The following SORCS1 variants were observed in gnomAD, a reference collection of about 807,000 sequenced individuals.
SORCS1 encodes sortilin related VPS10 domain containing receptor 1, also known as VPS10 domain-containing receptor SorCS1.
A neutral mutation model predicts 146.1 loss-of-function variants in SORCS1; 60 were observed. That is an observed-to-expected ratio of 0.41 (90% CI 0.33 to 0.51). SORCS1 has a LOEUF of 0.51. Among genes scored for constraint, SORCS1 ranks in the 20% least tolerant of loss-of-function variants. SORCS1 has a pLI of 0.21. For synonymous variants in SORCS1, 637 were observed against 584.0 expected (o/e 1.09, Z -1.31); for missense variants, 1,352 against 1,487.6 (o/e 0.91, Z 1.50).
chr10:107,033,792 C>A (rs1458390551), intron 1 of SORCS1, among the ~76,000 whole-genome samples: 1 of 152,206 alleles, frequency 6.6e-6, no homozygotes. Flanking sequence ...TAAATCCTCA[C>A]CCCCATTCTC....
At chr10:106,675,544 C>G (rs1851963286) in intron 13 of SORCS1, among the ~76,000 whole-genome samples, 1 of 152,162 alleles carries the variant, frequency 6.6e-6, no homozygotes, top group African/African-American at 2.4e-5. Flanking sequence ...GTAAGACTTA[C>G]TTAGATTTCA....
intron 1 of SORCS1, among the ~76,000 whole-genome samples, chr10:107,092,122 AAAG>A (rs1222806144): frequency 6.6e-6 from 1 of 152,242 alleles, no homozygotes; most frequent in African/African-American, 2.4e-5. Context: ...AAAATGTGGT[AAAG>A]CAGGTACATC....
intron 1 of SORCS1, among the ~76,000 whole-genome samples, chr10:107,126,579 G>A (rs1005507355): frequency 1.3e-5 from 2 of 152,042 alleles, no homozygotes; most frequent in Non-Finnish European, 2.9e-5. Context: ...TCCAGCCTTT[G>A]GGATGAAGTC....
chr10:107,043,777 A>C (rs1249636805), intron 1 of SORCS1, among the ~76,000 whole-genome samples: 1 of 152,138 alleles, frequency 6.6e-6, no homozygotes, highest in Non-Finnish European at 1.5e-5. Context: ...GGAGTGTTTC[A>C]TTGTGGGATT....
intron 17 of SORCS1, among the ~76,000 whole-genome samples, chr10:106,657,317 G>A (rs1283519139): frequency 1.3e-5 from 2 of 152,142 alleles, no homozygotes; most frequent in Non-Finnish European, 2.9e-5. Context: ...AACTTGGATG[G>A]AGCTGGAGGC....
upstream of SORCS1, among the ~76,000 whole-genome samples, chr10:107,166,436 T>A (rs1189911891): frequency 6.6e-6 from 1 of 152,228 alleles, no homozygotes; most frequent in Non-Finnish European, 1.5e-5. Context: ...GGCAGGCTTC[T>A]CAGCCATTAA....
chr10:106,650,905 T>A (rs567594165), intron 18 of SORCS1, among the ~76,000 whole-genome samples: 1 of 152,234 alleles, frequency 6.6e-6, no homozygotes, highest in South Asian at 2.1e-4. Context: ...CTGTCCCTCT[T>A]GCTCTAAATA....
intron 9 of SORCS1, among the ~76,000 whole-genome samples, chr10:106,695,405 G>A (rs1239526100): frequency 6.6e-6 from 1 of 152,098 alleles, no homozygotes; most frequent in East Asian, 1.9e-4. Flanking sequence ...TCTTAATGCT[G>A]TCACTCTTCC....
chr10:106,748,558 C>T (rs1589796717), intron 5 of SORCS1, among the ~76,000 whole-genome samples: 1 of 152,082 alleles, frequency 6.6e-6, no homozygotes, highest in South Asian at 2.1e-4. Flanking sequence ...TCGTGCTAGT[C>T]TGGAACGAAA....
At chr10:106,825,754 C>T (rs1186851603) in intron 3 of SORCS1, among the ~76,000 whole-genome samples, 11 of 152,086 alleles carry the variant, frequency 7.2e-5, no homozygotes, top group African/African-American at 2.4e-4. Context: ...GGGGGAACTG[C>T]TCTCCCTCTG....
chr10:107,039,120 G>A (rs1589992656), intron 1 of SORCS1, among the ~76,000 whole-genome samples: 1 of 151,974 alleles, frequency 6.6e-6, no homozygotes, highest in African/African-American at 2.4e-5. Context: ...ACAAGGTCAG[G>A]AGATCGAGAC....
intron 2 of SORCS1, among the ~76,000 whole-genome samples, chr10:106,873,494 A>C (rs1950487663): frequency 6.6e-6 from 1 of 152,144 alleles, no homozygotes. Context: ...CTGTTTGAGG[A>C]AGGTGAATTG....
intron 1 of SORCS1, among the ~76,000 whole-genome samples, chr10:107,026,521 G>T (rs1958411588): frequency 1.3e-5 from 2 of 152,110 alleles, no homozygotes; most frequent in African/African-American, 2.4e-5. Flanking sequence ...AGCAGGCTGA[G>T]GCAGGAGAAT....
chr10:106,586,625 G>A (rs1332136594), intron 24 of SORCS1, among the ~76,000 whole-genome samples: 11 of 152,058 alleles, frequency 7.2e-5, no homozygotes, highest in East Asian at 1.9e-4. Context: ...ACGGTCCCCC[G>A]TAATCTCAGA....
chr10:106,606,525 T>C (rs962033823), intron 23 of SORCS1, among the ~76,000 whole-genome samples: 1 of 152,358 alleles, frequency 6.6e-6, no homozygotes, highest in African/African-American at 2.4e-5. Flanking sequence ...AAGTATGATA[T>C]TGTTCAGCAA....
At chr10:106,716,027 A>T (rs1855346620) in intron 6 of SORCS1, among the ~76,000 whole-genome samples, 2 of 152,202 alleles carry the variant, frequency 1.3e-5, no homozygotes, top group African/African-American at 4.8e-5. Flanking sequence ...CTGTGATTAC[A>T]GGAGTGAGCC....
At chr10:106,750,531 G>A (rs1231110110) in intron 5 of SORCS1, among the ~76,000 whole-genome samples, 2 of 144,068 alleles carry the variant, frequency 1.4e-5, no homozygotes, top group Admixed American at 7.0e-5. Flanking sequence ...AGATCGAGAC[G>A]ATCCTGGCTA....
intron 1 of SORCS1, among the ~76,000 whole-genome samples, chr10:106,980,880 C>T (rs1382288112): frequency 2.6e-5 from 4 of 152,020 alleles, no homozygotes; most frequent in Non-Finnish European, 4.4e-5. Flanking sequence ...GTTAACAGGT[C>T]ATCAATTCTT....
At chr10:106,762,862 C>T (rs540094407) in intron 4 of SORCS1, among the ~76,000 whole-genome samples, 1 of 152,242 alleles carries the variant, frequency 6.6e-6, no homozygotes, top group South Asian at 2.1e-4. Context: ...ACTCAAACAG[C>T]CAGTGTATAC....
Sources: allele counts gnomAD v4.1 joint callset (sites outside exome capture counted in the v4.1 genomes callset), GRCh38; gene constraint gnomAD v4.1.1; transcripts MANE v1.5; gene names NCBI Gene and HGNC (gene_info 2026-07-23, HGNC 2026-07-21).